The following CCDC91 variants were observed in gnomAD, a reference collection of about 807,000 sequenced individuals.
The protein encoded by CCDC91 is coiled-coil domain-containing protein 91.
Under a neutral mutation model 63.2 loss-of-function variants are expected in CCDC91, and 48 were observed. That is an observed-to-expected ratio of 0.76 (90% CI 0.60 to 0.97). CCDC91 has a LOEUF of 0.97. CCDC91 is among the 50% of genes least tolerant of loss of function. CCDC91 has a pLI of 0.00. For missense variants in CCDC91, 500 were observed against 494.6 expected (o/e 1.01, Z -0.10); for synonymous variants, 167 against 165.8 (o/e 1.01, Z -0.06).
chr12:28,433,151 C>T (rs1292465951), intron 8 of CCDC91, among the ~76,000 whole-genome samples: 1 of 151,570 alleles, frequency 6.6e-6, no homozygotes, highest in Non-Finnish European at 1.5e-5. Flanking sequence ...GTATTTTATC[C>T]CAGTCTGTGG....
In CCDC91 at chr12:28,413,981, A is replaced by G. The variant is rs533037164; in HGVS notation, c.762+22570A>G. Among the ~76,000 whole-genome samples the G allele has an allele frequency of 3.9e-5, 6 of 152,294 alleles. No individual in the cohort carries two copies. In the East Asian group the frequency reaches 1.2e-3, roughly 29 times the overall value. On this transcript the variant is annotated intron_variant, in intron 8 of 12. Transcript: ENST00000536442. ...TTTTTGCCTGTTAGATAACACATTA[A>G]GATGTTTGTCAATGGCAGAACCACG...
At chr12:28,534,567 TA>T (rs1942000714) in intron 12 of CCDC91, among the ~76,000 whole-genome samples, 1 of 152,200 alleles carries the variant, frequency 6.6e-6, no homozygotes, top group African/African-American at 2.4e-5. Context: ...TTTTCCTGTC[TA>T]CGGGACATGT....
intron 8 of CCDC91, among the ~76,000 whole-genome samples, chr12:28,425,371 T>G (rs1948252537): frequency 6.6e-6 from 1 of 152,068 alleles, no homozygotes; most frequent in Admixed American, 6.6e-5. Flanking sequence ...CACTCACTGT[T>G]CAGTACTTTC....
intron 3 of CCDC91, chr12:28,304,566 C>A: frequency 1.7e-6 from 1 of 583,488 alleles, no homozygotes; most frequent in South Asian, 1.9e-5. Flanking sequence ...ATATCAATCA[C>A]AAATTGATGT....
chr12:28,407,864 A>G (rs1947050086), intron 8 of CCDC91, among the ~76,000 whole-genome samples: 1 of 151,640 alleles, frequency 6.6e-6, no homozygotes, highest in Non-Finnish European at 1.5e-5. Context: ...TAACTTTTAT[A>G]GTTTTTAGTT....
chr12:28,317,983 T>C (rs1305837389), intron 6 of CCDC91, among the ~76,000 whole-genome samples: 1 of 151,948 alleles, frequency 6.6e-6, no homozygotes, highest in Non-Finnish European at 1.5e-5. Flanking sequence ...TCACTATCTT[T>C]ATTCTCTGAT....
intron 1 of CCDC91, among the ~76,000 whole-genome samples, chr12:28,237,598 A>G (rs1160791792): frequency 1.3e-5 from 2 of 152,158 alleles, no homozygotes; most frequent in Non-Finnish European, 2.9e-5. Context: ...CAGAAGCTGG[A>G]ACAGGCAGGG....
intron 7 of CCDC91, among the ~76,000 whole-genome samples, chr12:28,382,748 A>T (rs985976086): frequency 6.6e-6 from 1 of 152,162 alleles, no homozygotes; most frequent in Non-Finnish European, 1.5e-5. Flanking sequence ...ATTTCTTCCC[A>T]TGATCAGTGA....
At chr12:28,547,838 G>T (rs1029060651) in intron 12 of CCDC91, among the ~76,000 whole-genome samples, 1 of 152,112 alleles carries the variant, frequency 6.6e-6, no homozygotes, top group African/African-American at 2.4e-5. Flanking sequence ...GAGTATAGTA[G>T]ATTATGGAAG....
intron 3 of CCDC91, among the ~76,000 whole-genome samples, chr12:28,290,868 A>G (rs191455477): frequency 3.4e-4 from 52 of 152,294 alleles, no homozygotes; most frequent in Non-Finnish European, 3.1e-4. Context: ...ATTTCTGGTT[A>G]AAATGTTAAG....
chr12:28,251,448 A>C (rs542223974), intron 1 of CCDC91, among the ~76,000 whole-genome samples: 1 of 152,160 alleles, frequency 6.6e-6, no homozygotes, highest in South Asian at 2.1e-4. Context: ...TAAAGCATTT[A>C]TGTCTTTTAT....
chr12:28,407,079 G>A (rs1376416310), intron 8 of CCDC91, among the ~76,000 whole-genome samples: 1 of 152,080 alleles, frequency 6.6e-6, no homozygotes, highest in Non-Finnish European at 1.5e-5. Flanking sequence ...TTGTTTAAAC[G>A]TGTGCCACCT....
At chr12:28,540,059 T>C (rs1942512251) in intron 12 of CCDC91, among the ~76,000 whole-genome samples, 1 of 152,142 alleles carries the variant, frequency 6.6e-6, no homozygotes, top group South Asian at 2.1e-4. Context: ...TAGCCAGTTT[T>C]ATCAGTAGTG....
chr12:28,272,058 C>T (rs79728622), intron 3 of CCDC91, among the ~76,000 whole-genome samples: 52 of 151,894 alleles, frequency 3.4e-4, no homozygotes, highest in African/African-American at 1.0e-3. Context: ...GATATTACTC[C>T]GCCATCTTCT....
chr12:28,467,856 A>G (rs1423452195), intron 11 of CCDC91, among the ~76,000 whole-genome samples: 2 of 152,082 alleles, frequency 1.3e-5, no homozygotes, highest in Non-Finnish European at 2.9e-5. Flanking sequence ...ATGCTCCTCA[A>G]TGATCAGTGT....
intron 1 of CCDC91, among the ~76,000 whole-genome samples, chr12:28,234,469 T>G (rs1334341748): frequency 6.6e-6 from 1 of 152,186 alleles, no homozygotes; most frequent in Non-Finnish European, 1.5e-5. Flanking sequence ...AACAACTACT[T>G]CTGCTGCTAT....
chr12:28,258,858 C>G (rs1338335898), intron 2 of CCDC91, among the ~76,000 whole-genome samples: 1 of 151,944 alleles, frequency 6.6e-6, no homozygotes, highest in Non-Finnish European at 1.5e-5. Flanking sequence ...TAATTGAAAA[C>G]TTGAGTTTTA....
At chr12:28,255,724 A>T (rs1946401002) in intron 1 of CCDC91, 2 of 152,164 alleles carry the variant, frequency 1.3e-5, no homozygotes, top group Admixed American at 6.6e-5. Flanking sequence ...TCCTTTTTAC[A>T]ATATGTTTCT....
intron 12 of CCDC91, among the ~76,000 whole-genome samples, chr12:28,541,319 G>C (rs1473938721): frequency 3.1e-5 from 2 of 65,148 alleles, no homozygotes; most frequent in African/African-American, 1.5e-4. Context: ...ATATGTGTGT[G>C]CAAAGAAAAG....
Sources: allele counts gnomAD v4.1 joint callset (sites outside exome capture counted in the v4.1 genomes callset), GRCh38; gene constraint gnomAD v4.1.1; transcripts MANE v1.5; gene names NCBI Gene and HGNC (gene_info 2026-07-23, HGNC 2026-07-21).